The following SLC25A42 variants were observed in gnomAD, a reference collection of about 807,000 sequenced individuals.
SLC25A42 encodes mitochondrial coenzyme A transporter SLC25A42.
A neutral mutation model predicts 34.7 loss-of-function variants in SLC25A42; 19 were observed. The observed-to-expected ratio is 0.55, with a 90% CI of 0.38 to 0.80. SLC25A42 has a LOEUF of 0.80. Among genes scored for constraint, SLC25A42 ranks in the 30% least tolerant of loss-of-function variants. SLC25A42 has a pLI of 0.00. For missense variants in SLC25A42, 364 were observed against 441.3 expected (o/e 0.82, Z 1.57); for synonymous variants, 205 against 191.2 (o/e 1.07, Z -0.59).
intron 2 of SLC25A42, among the ~76,000 whole-genome samples, chr19:19,099,746 T>TA (rs771442529): frequency 1.2e-4 from 19 of 152,044 alleles, no homozygotes; most frequent in Non-Finnish European, 2.5e-4. Flanking sequence ...TTTTATTTTT[T>TA]ATTTTTTCAG....
intron 3 of SLC25A42, among the ~76,000 whole-genome samples, chr19:19,102,767 TA>T: frequency 6.6e-6 from 1 of 151,476 alleles, no homozygotes; most frequent in South Asian, 2.1e-4. Context: ...AATAAATAAA[TA>T]AATAAATAAA....
intron 1 of SLC25A42, among the ~76,000 whole-genome samples, chr19:19,076,336 GGT>G (rs1442487918): frequency 6.6e-6 from 1 of 152,108 alleles, no homozygotes; most frequent in African/African-American, 2.4e-5. Flanking sequence ...CAGACCTGGT[GGT>G]GTGTGTCTGT....
At chr19:19,065,923 C>T (rs1052475746) in intron 1 of SLC25A42, among the ~76,000 whole-genome samples, 3 of 151,654 alleles carry the variant, frequency 2.0e-5, no homozygotes, top group African/African-American at 7.3e-5. Context: ...GTGGTGTGAT[C>T]TCGGCTCACG....
chr19:19,088,394 G>A (rs535451158), intron 1 of SLC25A42, among the ~76,000 whole-genome samples: 1 of 151,454 alleles, frequency 6.6e-6, no homozygotes, highest in East Asian at 2.0e-4. Context: ...TTTTAGTAGA[G>A]ACGGGGTTTC....
At position 19,111,909 on chromosome 19, in the gene SLC25A42, G is replaced by A. The variant is rs766122807; in HGVS notation, c.*1033G>A. ...GGGTGCCTGCTAGCCTCAATCCCCC[G>A]AAGTGGGAGCCTCATGATAGAGTAT... On this transcript the variant is annotated 3_prime_UTR_variant, in exon 8 of 8. Transcript: ENST00000318596. The A allele has an allele frequency of 6.6e-6, 1 of 152,156 alleles. No individual in the cohort carries two copies. Among genetic ancestry groups the A allele is most frequent in the Non-Finnish European group, 1.5e-5 (1 of 68,038 alleles). 9.4% of individuals were successfully genotyped at this position (152,156 alleles called of 1,614,324 possible). A position where few individuals can be genotyped will look rare whatever the true frequency, so the allele number is the denominator to read the frequency against.
Position 19,110,907 on chromosome 19 carries a change from C to G in SLC25A42, c.*31C>G. Reference sequence around the variant, plus strand: ...CCTGAGCTGCTCTCAGGACGGTGGACCGGTGACCCCTTTGTATTCTGGGCC... The same window carrying G: ...CCTGAGCTGCTCTCAGGACGGTGGAGCGGTGACCCCTTTGTATTCTGGGCC... On this transcript the variant is annotated 3_prime_UTR_variant, in exon 8 of 8. Coordinates refer to ENST00000318596, the MANE Select transcript of SLC25A42 (RefSeq NM_178526.5). 2 of 1,610,478 alleles carry G rather than the reference C, an allele frequency of 1.2e-6. No homozygotes were observed. The highest frequency in any genetic ancestry group is 1.7e-6 in the Non-Finnish European group (2 of 1,178,080).
intron 7 of SLC25A42, 150 bp downstream of exon 7, chr19:19,108,195 A>G: frequency 1.2e-6 from 1 of 834,484 alleles, no homozygotes; most frequent in Non-Finnish European, 1.8e-6. Context: ...CCAAATCGGG[A>G]GAAAACACAC....
At chr19:19,064,609 C>T (rs1345506037) in intron 1 of SLC25A42, among the ~76,000 whole-genome samples, 1 of 151,586 alleles carries the variant, frequency 6.6e-6, no homozygotes, top group South Asian at 2.1e-4. Context: ...ATCCAGGTAT[C>T]TGCTCGCTAC....
chr19:19,110,362 T>A (rs1302402505), intron 7 of SLC25A42, among the ~76,000 whole-genome samples: 2 of 152,098 alleles, frequency 1.3e-5, no homozygotes, highest in Admixed American at 6.5e-5. Context: ...AAATTTTTTT[T>A]ATTTCTCGAG....
Position 19,112,597 on chromosome 19 carries a change from G to A in SLC25A42, c.*1721G>A, listed in dbSNP as rs1244119740. ...GGATTTGGGGCCACAGGCTAGGCAG[G>A]AGAGACAAGGGGTAGGTGGGAGGGT... On this transcript the variant is annotated 3_prime_UTR_variant, in exon 8 of 8. Coordinates refer to ENST00000318596, the MANE Select transcript of SLC25A42 (RefSeq NM_178526.5). This position sits in a 1 kb window ranked among gnomAD's most constrained non-coding sequence, Gnocchi z 4.3. 1.3e-5 allele frequency: 2 copies of A among 152,440 alleles called. No homozygotes were observed. The highest frequency in any genetic ancestry group is 2.9e-5 in the Non-Finnish European group (2 of 68,122). The allele number at this position is 152,440 out of a possible 1,614,324, so 9.4% of individuals were successfully genotyped here.
chr19:19,096,351 C>T (rs541959028), intron 2 of SLC25A42, 146 bp downstream of exon 2: 33 of 637,236 alleles, frequency 5.2e-5, no homozygotes, highest in Admixed American at 1.1e-4. Flanking sequence ...CCATGCAGCC[C>T]ATCACAAATC....
At chr19:19,094,460 T>C (rs1223450401) in intron 1 of SLC25A42, among the ~76,000 whole-genome samples, 1 of 152,196 alleles carries the variant, frequency 6.6e-6, no homozygotes. Flanking sequence ...GCCACACCCA[T>C]CTGCTTTGGT....
intron 1 of SLC25A42, among the ~76,000 whole-genome samples, chr19:19,068,805 T>C (rs2059615115): frequency 1.3e-5 from 2 of 151,932 alleles, no homozygotes; most frequent in Non-Finnish European, 2.9e-5. Flanking sequence ...ACCACTGCAC[T>C]CCAGCCTGGG....
At chr19:19,099,043 G>C (rs565793123) in intron 2 of SLC25A42, among the ~76,000 whole-genome samples, 2 of 152,310 alleles carry the variant, frequency 1.3e-5, no homozygotes, top group African/African-American at 4.8e-5. Flanking sequence ...TGCACACAGA[G>C]GCCCATTCCA....
At chr19:19,100,757 G>A (rs2059792092) in intron 2 of SLC25A42, among the ~76,000 whole-genome samples, 1 of 152,206 alleles carries the variant, frequency 6.6e-6, no homozygotes. Context: ...GACAGGAAGG[G>A]TCTTGTACAC....
intron 6 of SLC25A42, chr19:19,106,962 G>A (rs1185669637): frequency 1.8e-5 from 2 of 110,494 alleles, no homozygotes; most frequent in African/African-American, 3.5e-5. Flanking sequence ...AAAAAAAAAA[G>A]TCTGAGACTA....
At chr19:19,089,533 A>AAT (rs1568515022) in intron 1 of SLC25A42, among the ~76,000 whole-genome samples, 47 of 147,800 alleles carry the variant, frequency 3.2e-4, no homozygotes, top group African/African-American at 1.1e-3. Flanking sequence ...ATCTCAAAAA[A>AAT]AATAATAATA....
chr19:19,097,277 CG>C (rs1413819084), intron 2 of SLC25A42, among the ~76,000 whole-genome samples: 20 of 152,328 alleles, frequency 1.3e-4, no homozygotes, highest in African/African-American at 4.6e-4. Flanking sequence ...GACCTTTCCC[CG>C]GATTCCAGGT....
rs77464531 is a variant in SLC25A42, at chr19:19,104,883, C to T, written c.188-30C>T. The T allele has an allele frequency of 2.7e-3, 4,436 of 1,614,052 alleles. 86 individuals are homozygous for T. The African/African-American group carries it at 0.047, about 17-fold the overall frequency. On this transcript the variant is annotated intron_variant, in intron 3 of 7. Transcript: ENST00000318596. ...ATGGGAGGTTCTGTCCTTTGCATCT[C>T]AGTGGCTTTTGTGCTTTTGTTTTTT...
Sources: gnomAD v4.1 joint callset for allele counts (sites outside exome capture counted in the v4.1 genomes callset) on GRCh38, gnomAD v4.1.1 for gene constraint, Gnocchi (gnomAD v3.1) non-coding constraint, MANE v1.5 for transcripts, NCBI Gene and HGNC (gene_info 2026-07-23, HGNC 2026-07-21) for gene names.